CCND3: variants seen among roughly 807,000 people sequenced by gnomAD.
The protein encoded by CCND3 is G1/S-specific cyclin-D3.
CCND3 carries 9 observed loss-of-function variants against 28.7 expected under a neutral mutation model. The observed-to-expected ratio is 0.31, with a 90% CI of 0.19 to 0.55. The LOEUF (loss-of-function observed/expected upper bound fraction) is 0.55, where lower values mean the gene tolerates loss of function less well. Among genes scored for constraint, CCND3 ranks in the 20% least tolerant of loss-of-function variants. The pLI is 0.93. For synonymous variants in CCND3, 164 were observed against 163.9 expected, an observed-to-expected ratio of 1.00 and a Z score of 0.00; for missense variants, 315 against 385.8, an observed-to-expected ratio of 0.82 and a Z score of 1.54.
chr6:41,940,646 G>T (rs1775972225), intron 1 of CCND3, 61 bp from the exon 2 acceptor site: 7 of 1,194,660 alleles, frequency 5.9e-6, no homozygotes, highest in Non-Finnish European at 8.7e-6. Flanking sequence ...CAGCGGGGGG[G>T]TGGGAGCGCT....
At chr6:42,002,082 T>A (rs1229474276) in intron 1 of CCND3, among the ~76,000 whole-genome samples, 2 of 148,778 alleles carry the variant, frequency 1.3e-5, no homozygotes, top group African/African-American at 5.0e-5. Context: ...GCCATTGTAC[T>A]CCAGCCTGGG....
chr6:41,983,293 G>T (rs149287478), intron 1 of CCND3, among the ~76,000 whole-genome samples: 1 of 150,914 alleles, frequency 6.6e-6, no homozygotes, highest in Non-Finnish European at 1.5e-5. Context: ...TAGGAAAATC[G>T]CTTGAGCCCA....
intron 1 of CCND3, among the ~76,000 whole-genome samples, chr6:41,983,524 AT>A (rs963802676): frequency 1.3e-5 from 2 of 152,010 alleles, no homozygotes; most frequent in African/African-American, 4.8e-5. Context: ...GTATACAAAT[AT>A]CATCATTATT....
Position 41,936,013 on chromosome 6 carries a change from G to C in CCND3, c.806C>G (p.Ala269Gly), listed in dbSNP as rs956805243. The C allele has an allele frequency of 6.2e-7, 1 of 1,613,382 alleles. No individual in the cohort carries two copies. The highest frequency in any genetic ancestry group is 8.5e-7 in the Non-Finnish European group (1 of 1,179,610). ...CCCTTGGCTGCTGGAGCCCCGGGGG[G>C]CTTTGGGCGCTGGGCTGGAGCTGGT... ...SQTSSSPAPK[A>G]PRGSSSQGPS... The change falls in exon 5 of 5, where the codon GCC (alanine) becomes GGC (glycine). Residue 269 changes from alanine (A) to glycine (G), a missense_variant. Physicochemically the swap from Ala to Gly is moderately conservative, Grantham distance 60. Coordinates refer to ENST00000372991, the MANE Select transcript of CCND3 (RefSeq NM_001760.5). The surrounding 1 kb of genome is among the most constrained non-coding windows in gnomAD (Gnocchi z 4.4).
chr6:42,016,707 C>G (rs1159750448), intron 1 of CCND3, among the ~76,000 whole-genome samples: 1 of 151,894 alleles, frequency 6.6e-6, no homozygotes, highest in East Asian at 1.9e-4. Flanking sequence ...ACCTCAGCCT[C>G]CCGAGTAGCT....
chr6:41,981,501 C>A (rs1209526249), intron 1 of CCND3, among the ~76,000 whole-genome samples: 1 of 96,550 alleles, frequency 1.0e-5, no homozygotes, highest in African/African-American at 3.0e-5. Context: ...CCACGCCCGG[C>A]CATGAGCCAC....
At chr6:41,976,640 T>C (rs866136623) in intron 1 of CCND3, among the ~76,000 whole-genome samples, 6 of 152,106 alleles carry the variant, frequency 3.9e-5, no homozygotes, top group Non-Finnish European at 7.4e-5. Flanking sequence ...AAGACCCCCA[T>C]CACTAAAAAT....
intron 1 of CCND3, chr6:41,940,819 G>A: frequency 1.0e-6 from 1 of 1,002,074 alleles, no homozygotes; most frequent in East Asian, 2.4e-5. Flanking sequence ...GTAAAGCCAA[G>A]GAGCCCTTGC....
intron 1 of CCND3, among the ~76,000 whole-genome samples, chr6:41,980,611 A>C (rs907377476): frequency 1.3e-5 from 2 of 152,222 alleles, no homozygotes; most frequent in African/African-American, 2.4e-5. Flanking sequence ...TCTCCTATAA[A>C]CACAGATACA....
chr6:42,014,992 T>A (rs527486478), intron 1 of CCND3, among the ~76,000 whole-genome samples: 2 of 152,206 alleles, frequency 1.3e-5, no homozygotes, highest in African/African-American at 4.8e-5. Flanking sequence ...CTGAAATTGA[T>A]CCTGCCCTCA....
At position 41,938,514 on chromosome 6, in the gene CCND3, CT is replaced by C. The variant is rs1775883160; in HGVS notation, c.415-1121del. ...CCCTAGTGCATGTCCCAGGAGCCAACTCCTAACTCAGCAGTAAACAGAAGGG... is the reference window on the plus strand; with the variant it reads ...CCCTAGTGCATGTCCCAGGAGCCAACCCTAACTCAGCAGTAAACAGAAGGG... On this transcript the variant is annotated intron_variant, in intron 2 of 4. Coordinates refer to ENST00000372991, the MANE Select transcript of CCND3 (RefSeq NM_001760.5). The surrounding 1 kb of genome is among the most constrained non-coding windows in gnomAD (Gnocchi z 4.6). Among the ~76,000 whole-genome samples the C allele has an allele frequency of 6.6e-6, 1 of 152,196 alleles. No homozygotes were observed. The highest frequency in any genetic ancestry group is 6.5e-5 in the Admixed American group (1 of 15,274).
At chr6:41,994,491 G>C (rs1762739245) in intron 1 of CCND3, among the ~76,000 whole-genome samples, 1 of 152,150 alleles carries the variant, frequency 6.6e-6, no homozygotes, top group African/African-American at 2.4e-5. Flanking sequence ...AACAAACAGA[G>C]CACAGAGGAT....
chr6:41,975,746 T>C (rs1762161467), intron 1 of CCND3, among the ~76,000 whole-genome samples: 1 of 152,042 alleles, frequency 6.6e-6, no homozygotes, highest in South Asian at 2.1e-4. Flanking sequence ...ACTTTTTTTT[T>C]TTTTTTTTAA....
chr6:41,949,870 G>A (rs370982435), intron 1 of CCND3, among the ~76,000 whole-genome samples: 9 of 151,742 alleles, frequency 5.9e-5, no homozygotes, highest in African/African-American at 1.9e-4. Context: ...CGAGGCGGGC[G>A]GATCACAAGG....
intron 1 of CCND3, among the ~76,000 whole-genome samples, chr6:41,954,177 G>A (rs941146703): frequency 1.4e-5 from 2 of 147,852 alleles, no homozygotes; most frequent in Admixed American, 6.9e-5. Flanking sequence ...CTTGAACCTG[G>A]GAGGCGGAGG....
At chr6:42,024,474 G>T (rs28372547) in intron 1 of CCND3, among the ~76,000 whole-genome samples, 1 of 151,722 alleles carries the variant, frequency 6.6e-6, no homozygotes, top group Non-Finnish European at 1.5e-5. Flanking sequence ...GGGTTTATGC[G>T]CCTCCAGTGA....
chr6:41,952,299 C>T (rs1028921415), intron 1 of CCND3, among the ~76,000 whole-genome samples: 3 of 152,134 alleles, frequency 2.0e-5, no homozygotes, highest in Non-Finnish European at 4.4e-5. Context: ...ACCTGAGAGG[C>T]GATTCCATGA....
chr6:42,023,704 T>C (rs1425798979), intron 1 of CCND3, among the ~76,000 whole-genome samples: 1 of 34,038 alleles, frequency 2.9e-5, no homozygotes, highest in Non-Finnish European at 5.5e-5. Context: ...CCATCCGCCA[T>C]CTATCATCTA....
intron 1 of CCND3, among the ~76,000 whole-genome samples, chr6:42,012,478 T>A (rs1763371492): frequency 6.6e-6 from 1 of 151,160 alleles, no homozygotes; most frequent in African/African-American, 2.5e-5. Context: ...TGGTATGTGC[T>A]GTAATCCCAG....
Sources: gnomAD v4.1 joint callset for allele counts (sites outside exome capture counted in the v4.1 genomes callset) on GRCh38, gnomAD v4.1.1 for gene constraint, Gnocchi (gnomAD v3.1) non-coding constraint, MANE v1.5 for transcripts, NCBI Gene and HGNC (gene_info 2026-07-23, HGNC 2026-07-21) for gene names.